The following PALD1 variants were observed in gnomAD, a reference collection of about 807,000 sequenced individuals.
PALD1 encodes phosphatase domain containing paladin 1.
In PALD1, 57 loss-of-function variants were observed where a neutral mutation model predicts 96.0. The observed-to-expected ratio is 0.59, with a 90% CI of 0.48 to 0.74. PALD1 has a LOEUF of 0.74. PALD1 is among the 30% of genes least tolerant of loss of function. The pLI is 0.00. For synonymous variants in PALD1, 464 were observed against 473.6 expected, an observed-to-expected ratio of 0.98 and a Z score of 0.26; for missense variants, 1,063 against 1,143.7, an observed-to-expected ratio of 0.93 and a Z score of 1.02.
At chr10:70,508,819 GC>G (rs1564690520) in intron 1 of PALD1, among the ~76,000 whole-genome samples, 3 of 60,166 alleles carry the variant, frequency 5.0e-5, no homozygotes, top group African/African-American at 1.6e-4. Flanking sequence ...GTGTGTGTGT[GC>G]AGGCCTGTGG....
chr10:70,558,001 A>G (rs1242765890), intron 18 of PALD1, among the ~76,000 whole-genome samples: 3 of 135,164 alleles, frequency 2.2e-5, no homozygotes, highest in Admixed American at 1.7e-4. Flanking sequence ...TGGCGCAGTC[A>G]TGGTTCACTG....
rs779821302 is a variant in PALD1 at position 70,533,609 on chromosome 10, C to T, written c.871-313C>T. Among the ~76,000 whole-genome samples the T allele has an allele frequency of 3.3e-5, 5 of 152,290 alleles. No homozygotes were observed. In the South Asian group the frequency reaches 6.2e-4, roughly 19 times the overall value. On this transcript the variant is annotated intron_variant, in intron 7 of 19. Transcript: ENST00000263563. ...TCAGCTGACATTTCCTGAGTCCTGG[C>T]GGAGTTTCTCTCCAGCCCCCTTCAG... is the stretch of plus-strand genomic sequence containing the variant.
the PALD1 span, among the ~76,000 whole-genome samples, chr10:70,472,565 C>G: frequency 6.6e-6 from 1 of 152,180 alleles, no homozygotes; most frequent in Non-Finnish European, 1.5e-5. Context: ...CTGGCCAGAT[C>G]TGAGTTATTT....
At chr10:70,521,385 G>C (rs185749239) in intron 1 of PALD1, among the ~76,000 whole-genome samples, 1 of 152,126 alleles carries the variant, frequency 6.6e-6, no homozygotes. Context: ...ATCCTTATAG[G>C]GTTCTGGGGA....
intron 1 of PALD1, among the ~76,000 whole-genome samples, chr10:70,514,720 T>C (rs1020219623): frequency 3.9e-5 from 6 of 152,144 alleles, no homozygotes; most frequent in African/African-American, 1.2e-4. Context: ...CCTACCAGAC[T>C]GTACAAGTGG....
intron 1 of PALD1, among the ~76,000 whole-genome samples, chr10:70,513,916 C>T (rs866390067): frequency 3.9e-5 from 6 of 152,326 alleles, no homozygotes; most frequent in South Asian, 2.1e-4. Context: ...ACCCAGGGAC[C>T]GCTGCTGGCT....
intron 1 of PALD1, among the ~76,000 whole-genome samples, chr10:70,495,008 C>CT (rs1846166406): frequency 6.6e-6 from 1 of 152,210 alleles, no homozygotes; most frequent in African/African-American, 2.4e-5. Flanking sequence ...TTCTGGTAAC[C>CT]TGTCCTAAAG....
chr10:70,555,859 C>CGAGGTGGCGGGCACCTGTAGT (rs1847598653), intron 18 of PALD1, among the ~76,000 whole-genome samples: 1 of 151,568 alleles, frequency 6.6e-6, no homozygotes, highest in Non-Finnish European at 1.5e-5. Flanking sequence ...AAATTAGCCG[C>CGAGGTGGCGGGCACCTGTAGT]GCGAGGTGGC....
At chr10:70,520,685 C>CTT (rs10545684) in intron 1 of PALD1, among the ~76,000 whole-genome samples, 8,819 of 87,538 alleles carry the variant, frequency 0.1, 562 homozygotes, top group East Asian at 0.31. Flanking sequence ...TTCTTTCTTT[C>CTT]TTTTTTTTTT....
chr10:70,525,776 C>T, intron 1 of PALD1, 147 bp from the exon 2 acceptor site: 2 of 641,080 alleles, frequency 3.1e-6, no homozygotes, highest in Non-Finnish European at 5.5e-6. Flanking sequence ...TCTTCTGGGC[C>T]CCACGGTGTA....
At chr10:70,478,108 G>A (rs1845858048), upstream of PALD1, among the ~76,000 whole-genome samples, 1 of 152,102 alleles carries the variant, frequency 6.6e-6, no homozygotes, top group African/African-American at 2.4e-5. Flanking sequence ...GGGGCGGAGG[G>A]ACCCCTCTCC....
At chr10:70,464,966 TA>T in the PALD1 span, among the ~76,000 whole-genome samples, 2 of 148,768 alleles carry the variant, frequency 1.3e-5, no homozygotes, top group African/African-American at 5.0e-5. Context: ...TGTATGTATG[TA>T]TGTATGTATG....
intron 9 of PALD1, 41 bp from the exon 10 acceptor site, chr10:70,534,698 C>G (rs1309371963): frequency 7.7e-7 from 1 of 1,292,402 alleles, no homozygotes; most frequent in Non-Finnish European, 1.1e-6. Context: ...TGCTCCCCAC[C>G]CCCCCACCTC....
At chr10:70,507,665 G>A (rs955917438) in intron 1 of PALD1, among the ~76,000 whole-genome samples, 2 of 152,034 alleles carry the variant, frequency 1.3e-5, no homozygotes, top group Admixed American at 1.3e-4. Flanking sequence ...CAAGCTATCC[G>A]CCAGCCTTGG....
At chr10:70,522,963 C>T (rs1204094938) in intron 1 of PALD1, among the ~76,000 whole-genome samples, 1 of 152,228 alleles carries the variant, frequency 6.6e-6, no homozygotes, top group Non-Finnish European at 1.5e-5. Flanking sequence ...AGGCCCCACG[C>T]TGGTGAGGTT....
chr10:70,562,476 G>A (rs114964510), intron 18 of PALD1, among the ~76,000 whole-genome samples: 2,382 of 152,322 alleles, frequency 0.016, 30 homozygotes, highest in African/African-American at 0.03. Context: ...AGCCCACCCT[G>A]GGGCTAAGGA....
chr10:70,557,950 T>A (rs1335175539), intron 18 of PALD1, among the ~76,000 whole-genome samples: 1 of 135,226 alleles, frequency 7.4e-6, no homozygotes, highest in African/African-American at 2.7e-5. Flanking sequence ...TTTTTTTTTT[T>A]AGAGACAGAG....
At position 70,538,971 on chromosome 10, in the gene PALD1, G is replaced by T. The variant is rs771576118; in HGVS notation, c.1532G>T (p.Arg511Leu). ...MDVANFRRVP[R>L]MPIYGTAQPS... ...GTGGCCAACTTCCGGCGGGTGCCCC[G>T]CATGCCCATCTACGGCACGGCCCAG... Residue 511 changes from arginine to leucine, a missense_variant, in exon 13 of 20, where the codon CGC (arginine) becomes CTC (leucine). Coordinates refer to ENST00000263563, the MANE Select transcript of PALD1 (RefSeq NM_014431.3). 3 of 1,613,644 alleles carry T rather than the reference G, an allele frequency of 1.9e-6. No individual in the cohort carries two copies. The highest frequency in any genetic ancestry group is 2.2e-5 in the East Asian group (1 of 44,880).
intron 2 of PALD1, among the ~76,000 whole-genome samples, chr10:70,527,399 C>T (rs1846890178): frequency 6.6e-6 from 1 of 152,210 alleles, no homozygotes; most frequent in Non-Finnish European, 1.5e-5. Context: ...CTCTAGAGAT[C>T]ATCCAATAGA....
Sources: gnomAD v4.1 joint callset for allele counts (sites outside exome capture counted in the v4.1 genomes callset) on GRCh38, gnomAD v4.1.1 for gene constraint, MANE v1.5 for transcripts, NCBI Gene and HGNC (gene_info 2026-07-23, HGNC 2026-07-21) for gene names.